HMCN1: variants seen among roughly 807,000 people sequenced by gnomAD.
HMCN1 encodes hemicentin 1, also known as hemicentin-1.
A neutral mutation model predicts 625.9 loss-of-function variants in HMCN1; 321 were observed. The ratio of observed to expected loss-of-function variants is 0.51; its 90% CI spans 0.47 to 0.56. The LOEUF is 0.56. HMCN1 is among the 20% of genes least tolerant of loss of function. The pLI is 0.00. For synonymous variants in HMCN1, 2,425 were observed against 2,417.6 expected, an observed-to-expected ratio of 1.00 and a Z score of -0.09; for missense variants, 6,588 against 6,887.3, an observed-to-expected ratio of 0.96 and a Z score of 1.54.
intron 4 of HMCN1, among the ~76,000 whole-genome samples, chr1:185,902,383 A>ATCTATCTATCTATCTATCTATC: frequency 7.1e-6 from 1 of 140,704 alleles, no homozygotes; most frequent in Non-Finnish European, 1.5e-5. Context: ...CTATGTCTCT[A>ATCTATCTATCTATCTATCTATC]TCTATCTATC....
intron 11 of HMCN1, among the ~76,000 whole-genome samples, chr1:185,947,882 A>G (rs1056227291): frequency 5.3e-5 from 8 of 152,202 alleles, no homozygotes; most frequent in Admixed American, 2.6e-4. Context: ...GAGATTTTGT[A>G]TTTTTCATTG....
At chr1:186,083,631 A>G (rs950627674) in intron 57 of HMCN1, among the ~76,000 whole-genome samples, 2 of 152,122 alleles carry the variant, frequency 1.3e-5, no homozygotes, top group African/African-American at 4.8e-5. Context: ...CTTTACATAC[A>G]TAATACACAC....
chr1:185,925,176 T>G lies in HMCN1; in HGVS notation c.1415T>G (p.Val472Gly), dbSNP rs1005462500. 3.7e-6 allele frequency: 6 copies of G among 1,613,532 alleles called. No individual in the cohort carries two copies. In the African/African-American group the frequency reaches 6.7e-5, roughly 18 times the overall value. ...SFVRNGVTLG[V>G]DQYLKESASV... ...GTCAGAAATGGAGTTACACTTGGAG[T>G]AGACCAGTATTTGAAGTAGGTACAT... The change falls in exon 9 of 107, where the codon GTA (valine) becomes GGA (glycine). Residue 472 changes from valine (V) to glycine (G), a missense_variant. Physicochemically the swap from Val to Gly is moderately radical, Grantham distance 109. Transcript: ENST00000271588.
intron 1 of HMCN1, among the ~76,000 whole-genome samples, chr1:185,835,088 T>A (rs1292574749): frequency 6.6e-6 from 1 of 152,182 alleles, no homozygotes; most frequent in African/African-American, 2.4e-5. Flanking sequence ...CACAGGTCAA[T>A]TACTGCATTT....
At chr1:185,838,041 G>A (rs1030988430) in intron 1 of HMCN1, among the ~76,000 whole-genome samples, 1 of 152,186 alleles carries the variant, frequency 6.6e-6, no homozygotes, top group Admixed American at 6.5e-5. Flanking sequence ...CTGAGAGGGA[G>A]GTCCCTGGGC....
At chr1:185,857,611 G>T (rs995905117) in intron 2 of HMCN1, among the ~76,000 whole-genome samples, 1 of 151,994 alleles carries the variant, frequency 6.6e-6, no homozygotes, top group Non-Finnish European at 1.5e-5. Context: ...AACATAGGGG[G>T]AGTTAGCTTT....
intron 105 of HMCN1, among the ~76,000 whole-genome samples, chr1:186,185,011 G>A (rs543141839): frequency 6.6e-6 from 1 of 151,954 alleles, no homozygotes; most frequent in East Asian, 1.9e-4. Flanking sequence ...CTGAGGAGAG[G>A]GTAATAGACC....
chr1:186,179,522 C>A (rs1178814244), intron 104 of HMCN1, among the ~76,000 whole-genome samples: 1 of 152,076 alleles, frequency 6.6e-6, no homozygotes, highest in African/African-American at 2.4e-5. Flanking sequence ...CATTGACCTA[C>A]TCAAGGGGAA....
intron 40 of HMCN1, 139 bp from the exon 41 acceptor site, chr1:186,045,549 C>A: frequency 1.4e-6 from 1 of 698,430 alleles, no homozygotes; most frequent in Non-Finnish European, 2.6e-6. Flanking sequence ...CCAAGTGATG[C>A]AAAGTGATGT....
At chr1:186,165,233 T>C in intron 98 of HMCN1, 60 bp downstream of exon 98, 1 of 1,385,278 alleles carries the variant, frequency 7.2e-7, no homozygotes, top group Non-Finnish European at 1.0e-6. Context: ...TTGGATAGCA[T>C]TTAATGGGTA....
chr1:186,038,096 T>C, intron 37 of HMCN1, 61 bp downstream of exon 37: 1 of 1,115,654 alleles, frequency 9.0e-7, no homozygotes, highest in Admixed American at 1.7e-5. Context: ...TAACTGAAAT[T>C]GGTTTTGAGC....
intron 1 of HMCN1, among the ~76,000 whole-genome samples, chr1:185,786,209 T>G (rs1657557026): frequency 6.6e-6 from 1 of 152,196 alleles, no homozygotes; most frequent in African/African-American, 2.4e-5. Context: ...AGTTTCCAAA[T>G]CGAAGGCCCA....
intron 1 of HMCN1, among the ~76,000 whole-genome samples, chr1:185,841,904 A>C (rs554791147): frequency 6.6e-6 from 1 of 152,368 alleles, no homozygotes; most frequent in African/African-American, 2.4e-5. Context: ...AGGTAGTGAT[A>C]TGTAATAACC....
intron 36 of HMCN1, among the ~76,000 whole-genome samples, chr1:186,035,204 A>C (rs1160132940): frequency 6.6e-6 from 1 of 152,162 alleles, no homozygotes; most frequent in Non-Finnish European, 1.5e-5. Context: ...AAACAGAAAC[A>C]TTCTAGGCAT....
intron 15 of HMCN1, among the ~76,000 whole-genome samples, chr1:185,972,199 G>A (rs756901564): frequency 1.3e-5 from 2 of 152,178 alleles, no homozygotes; most frequent in Non-Finnish European, 2.9e-5. Context: ...GAGAGAAACA[G>A]TCTCAGTAAT....
chr1:186,015,431 G>T lies in HMCN1; in HGVS notation c.4903G>T (p.Val1635Phe). The change falls in exon 31 of 107, where the codon GTC (valine) becomes TTC (phenylalanine). Residue 1635 changes from valine to phenylalanine, a missense_variant. Physicochemically the swap from Val to Phe is conservative, Grantham distance 50. Transcript: ENST00000271588. ...GTAEKSFHVDVYVPPMIEGNL... is the reference protein window; with the variant it reads ...GTAEKSFHVDFYVPPMIEGNL... ...TGCTGAAAAATCATTCCATGTGGATGTCTATGGTGAGGAACAACATATGCT... is the reference window on the plus strand; with the variant it reads ...TGCTGAAAAATCATTCCATGTGGATTTCTATGGTGAGGAACAACATATGCT... 6.2e-7 allele frequency: 1 copy of T among 1,613,378 alleles called. No individual in the cohort carries two copies. Among genetic ancestry groups the T allele is most frequent in the East Asian group, 2.2e-5 (1 of 44,850 alleles).
intron 4 of HMCN1, among the ~76,000 whole-genome samples, chr1:185,880,582 A>G (rs1664242306): frequency 6.6e-6 from 1 of 152,178 alleles, no homozygotes; most frequent in African/African-American, 2.4e-5. Context: ...ATCATGTTGT[A>G]TAATAATAAC....
Position 186,174,640 on chromosome 1 carries a change from T to C in HMCN1, c.15941T>C (p.Met5314Thr), listed in dbSNP as rs145955604. The C allele has an allele frequency of 3.4e-5, 55 of 1,613,918 alleles. No homozygotes were observed. Among genetic ancestry groups the C allele is most frequent in the Middle Eastern group, 1.6e-4 (1 of 6,078 alleles). Reference protein sequence around the residue: ...YRSQGVGRPCMDINECEQVPK... With the variant: ...YRSQGVGRPCTDINECEQVPK... Reference sequence around the variant, plus strand: ...TCTCAAGGAGTTGGAAGACCCTGCATGGGTAAGTTAATAGGAACTTGTTGA... The same window carrying C: ...TCTCAAGGAGTTGGAAGACCCTGCACGGGTAAGTTAATAGGAACTTGTTGA... The change falls in exon 103 of 107, where the codon ATG (methionine) becomes ACG (threonine). Residue 5314 changes from methionine (M) to threonine (T), a missense_variant and splice_region_variant. Physicochemically the swap from Met to Thr is moderately conservative, Grantham distance 81. This residue lies in a region of HMCN1 where 1,954 missense variants were observed against 2,013.1 expected (regional missense o/e 0.97). Transcript: ENST00000271588.
chr1:185,756,003 C>T (rs1199454683), intron 1 of HMCN1, among the ~76,000 whole-genome samples: 1 of 152,076 alleles, frequency 6.6e-6, no homozygotes, highest in Non-Finnish European at 1.5e-5. Context: ...AAGCAGTTCT[C>T]CTGCCTCAGG....
Sources: gnomAD v4.1 joint callset for allele counts (sites outside exome capture counted in the v4.1 genomes callset) on GRCh38, gnomAD v4.1.1 for gene constraint, gnomAD v4.1.1 regional missense constraint, MANE v1.5 for transcripts, NCBI Gene and HGNC (gene_info 2026-07-23, HGNC 2026-07-21) for gene names.